NRP2: variants seen among roughly 807,000 people sequenced by gnomAD.
The protein encoded by NRP2 is neuropilin-2.
Under a neutral mutation model 110.4 loss-of-function variants are expected in NRP2, and 52 were observed. The ratio of observed to expected loss-of-function variants is 0.47; its 90% CI spans 0.38 to 0.59. NRP2 has a LOEUF of 0.59. Ranked by LOEUF, NRP2 falls within the 20% of genes least tolerant of loss-of-function variation. The pLI is 0.00. For synonymous variants in NRP2, 508 were observed against 468.9 expected, an observed-to-expected ratio of 1.08 and a Z score of -1.08; for missense variants, 1,049 against 1,203.0, an observed-to-expected ratio of 0.87 and a Z score of 1.89.
intron 15 of NRP2, among the ~76,000 whole-genome samples, chr2:205,772,234 A>C (rs2058033848): frequency 6.6e-6 from 1 of 152,244 alleles, no homozygotes; most frequent in South Asian, 2.1e-4. Context: ...TGGTTAATAC[A>C]CAGGAAATGT....
At chr2:205,731,379 C>A (rs760292526) in intron 7 of NRP2, among the ~76,000 whole-genome samples, 3 of 152,116 alleles carry the variant, frequency 2.0e-5, no homozygotes. Flanking sequence ...ATTATAGGCA[C>A]AATTATGTAC....
chr2:205,760,559 G>A (rs2057804297), intron 12 of NRP2, among the ~76,000 whole-genome samples: 1 of 152,064 alleles, frequency 6.6e-6, no homozygotes, highest in South Asian at 2.1e-4. Context: ...GTCTTGCAAT[G>A]TTCCCCTAAA....
chr2:205,786,816 C>A (rs1310197968), intron 15 of NRP2, among the ~76,000 whole-genome samples: 2 of 152,182 alleles, frequency 1.3e-5, no homozygotes, highest in African/African-American at 4.8e-5. Flanking sequence ...AAGTCCTGAG[C>A]CAAACGGGCA....
Position 205,716,300 on chromosome 2 carries a change from T to G in NRP2, c.359T>G (p.Leu120Arg). The G allele has an allele frequency of 6.2e-7, 1 of 1,614,132 alleles. No individual in the cohort carries two copies. Among genetic ancestry groups the G allele is most frequent in the Non-Finnish European group, 8.5e-7 (1 of 1,180,036 alleles). Residue 120 changes from leucine to arginine, a missense_variant, in exon 3 of 17, where the codon CTC becomes CGC. Physicochemically the swap from Leu to Arg is moderately radical, Grantham distance 102. Coordinates refer to ENST00000357785, the MANE Select transcript of NRP2 (RefSeq NM_003872.3). ...PPTIISSGSM[L>R]YIKFTSDYAR... is the part of the protein sequence containing the mutation. ...ACCATCATCTCCTCGGGCTCCATGC[T>G]CTACATCAAGTTCACCTCCGACTAC...
intron 8 of NRP2, among the ~76,000 whole-genome samples, chr2:205,741,152 C>G (rs1198703118): frequency 6.6e-6 from 1 of 152,208 alleles, no homozygotes; most frequent in South Asian, 2.1e-4. Context: ...GCACAACAGA[C>G]TGTTCTGTGT....
chr2:205,741,662 A>G (rs2057444140), intron 8 of NRP2, among the ~76,000 whole-genome samples: 2 of 152,180 alleles, frequency 1.3e-5, no homozygotes, highest in Non-Finnish European at 2.9e-5. Context: ...TTGACCTGGA[A>G]GTGTCTTCAG....
chr2:205,718,485 T>C (rs577051248), intron 3 of NRP2, among the ~76,000 whole-genome samples: 1 of 152,052 alleles, frequency 6.6e-6, no homozygotes, highest in Admixed American at 6.5e-5. Context: ...GCTTTAAGGA[T>C]TGGGGTTGCC....
chr2:205,749,303 C>A (rs890815022), intron 10 of NRP2, among the ~76,000 whole-genome samples: 1 of 152,212 alleles, frequency 6.6e-6, no homozygotes, highest in Non-Finnish European at 1.5e-5. Flanking sequence ...AAAGACATAG[C>A]CCCAAATCAC....
At chr2:205,785,305 G>C (rs1383052214) in intron 15 of NRP2, among the ~76,000 whole-genome samples, 3 of 152,126 alleles carry the variant, frequency 2.0e-5, no homozygotes, top group Non-Finnish European at 4.4e-5. Flanking sequence ...ATTGGAACTA[G>C]AGGAGGGGAG....
rs3047659 is a variant in NRP2 at position 205,739,682 on chromosome 2, C to CTTT, written c.1147-819_1147-817dup. Among the ~76,000 whole-genome samples the CTTT allele has an allele frequency of 4.8e-3, 604 of 124,912 alleles. 11 individuals are homozygous for CTTT. Among genetic ancestry groups the CTTT allele is most frequent in the African/African-American group, 0.017 (581 of 33,848 alleles). The allele number at this position is 124,912 out of a possible 152,430, so 81.9% of individuals were successfully genotyped here. A position where few individuals can be genotyped will look rare whatever the true frequency, so the allele number is the denominator to read the frequency against. On this transcript the variant is annotated intron_variant, in intron 7 of 16. Coordinates refer to ENST00000357785, the MANE Select transcript of NRP2 (RefSeq NM_003872.3). ...ACTCACATATACTTTGCTCTAGTTA[C>CTTT]TTTTTTTTTTTTTTTTTTTTGAGCA...
chr2:205,702,703 C>A (rs946992097), intron 2 of NRP2, among the ~76,000 whole-genome samples: 4 of 152,144 alleles, frequency 2.6e-5, no homozygotes, highest in African/African-American at 9.7e-5. Context: ...GAGATCAGAC[C>A]AGACCTTAGT....
chr2:205,763,547 C>T lies in NRP2; in HGVS notation c.2045-127C>T. 1 of 1,227,136 alleles carries T rather than the reference C, an allele frequency of 8.1e-7. No individual in the cohort carries two copies. The highest frequency in any genetic ancestry group is 1.2e-5 in the South Asian group (1 of 81,816). 76.0% of individuals were successfully genotyped at this position (1,227,136 alleles called of 1,614,324 possible). A position where few individuals can be genotyped will look rare whatever the true frequency, so the allele number is the denominator to read the frequency against. ...AGAAAGGGTCACAGAGCCTGGAGAACAAGGACATGAATAAACCAAAGACAC... is the reference window on the plus strand; with the variant it reads ...AGAAAGGGTCACAGAGCCTGGAGAATAAGGACATGAATAAACCAAAGACAC... On this transcript the variant is annotated intron_variant, in intron 12 of 16. Transcript: ENST00000357785. This position sits in a 1 kb window ranked among gnomAD's most constrained non-coding sequence, Gnocchi z 4.0.
intron 7 of NRP2, among the ~76,000 whole-genome samples, chr2:205,728,482 A>C (rs2105828700): frequency 6.6e-6 from 1 of 152,354 alleles, no homozygotes; most frequent in Non-Finnish European, 1.5e-5. Flanking sequence ...AGAGGGAATC[A>C]CAATGTCCTG....
At chr2:205,754,878 C>T (rs770558240) in intron 12 of NRP2, among the ~76,000 whole-genome samples, 1 of 152,128 alleles carries the variant, frequency 6.6e-6, no homozygotes, top group Non-Finnish European at 1.5e-5. Context: ...CCGGGGTCCT[C>T]TGCAGGCTGG....
rs114033307 is a variant in NRP2 at position 205,743,658 on chromosome 2, A to G, written c.1641+106A>G. 785 of 1,504,628 alleles carry G rather than the reference A, an allele frequency of 5.2e-4. 4 individuals are homozygous for G. The African/African-American group carries it at 9.4e-3, about 18-fold the overall frequency. The allele number at this position is 1,504,628 out of a possible 1,614,324, so 93.2% of individuals were successfully genotyped here. Reference sequence around the variant, plus strand: ...GTCCCATCTAAACAGTCGTCATCCAACTCCTGAAATCCAATAAAACAAATA... The same window carrying G: ...GTCCCATCTAAACAGTCGTCATCCAGCTCCTGAAATCCAATAAAACAAATA... On this transcript the variant is annotated intron_variant, in intron 9 of 16. Coordinates refer to ENST00000357785, the MANE Select transcript of NRP2 (RefSeq NM_003872.3).
Position 205,716,262 on chromosome 2 carries a change from C to G in NRP2, c.321C>G (p.Asn107Lys). 6.2e-7 allele frequency: 1 copy of G among 1,614,202 alleles called. No individual in the cohort carries two copies. Among genetic ancestry groups the G allele is most frequent in the Non-Finnish European group, 8.5e-7 (1 of 1,180,042 alleles). The change falls in exon 3 of 17, where the codon AAC becomes AAG. Residue 107 changes from asparagine (N) to lysine (K), a missense_variant. Transcript: ENST00000357785. ...SADLLGKHCGNIAPPTIISSG... is the reference protein window; with the variant it reads ...SADLLGKHCGKIAPPTIISSG... ...ACCTCCTGGGCAAACACTGTGGGAA[C>G]ATCGCCCCGCCCACCATCATCTCCT...
chr2:205,703,058 C>A (rs1448307519), intron 2 of NRP2, among the ~76,000 whole-genome samples: 1 of 152,154 alleles, frequency 6.6e-6, no homozygotes, highest in African/African-American at 2.4e-5. Flanking sequence ...ATCTAAACTC[C>A]CATGGCGCCT....
intron 15 of NRP2, among the ~76,000 whole-genome samples, chr2:205,770,824 G>T (rs1431432518): frequency 6.6e-6 from 1 of 152,166 alleles, no homozygotes; most frequent in Admixed American, 6.5e-5. Context: ...GAGCAAGAAA[G>T]CATGGAGATC....
chr2:205,774,685 T>C (rs1292520887), intron 15 of NRP2, among the ~76,000 whole-genome samples: 1 of 151,984 alleles, frequency 6.6e-6, no homozygotes, highest in Non-Finnish European at 1.5e-5. Context: ...CTATCACTTC[T>C]GAGAAGACAT....
Sources: allele counts gnomAD v4.1 joint callset (sites outside exome capture counted in the v4.1 genomes callset), GRCh38; gene constraint gnomAD v4.1.1; non-coding constraint Gnocchi (gnomAD v3.1); transcripts MANE v1.5; gene names NCBI Gene and HGNC (gene_info 2026-07-23, HGNC 2026-07-21).